The following SPMIP6 variants were observed in gnomAD, a reference collection of about 807,000 sequenced individuals.
The protein encoded by SPMIP6 is sperm microtubule inner protein 6, also known as ciliated bronchial epithelial protein 1.
At chr9:34,382,662 C>T in the SPMIP6 span, 2 of 815,214 alleles carry the variant, frequency 2.5e-6, no homozygotes, top group South Asian at 1.3e-5. Context: ...GCAATGAGGA[C>T]CTAATGGTGA....
the SPMIP6 span, chr9:34,381,044 G>C: frequency 1.1e-5 from 17 of 1,611,702 alleles, no homozygotes; most frequent in Non-Finnish European, 1.4e-5. This position sits in a 1 kb window ranked among gnomAD's most constrained non-coding sequence, Gnocchi z 4.4. Flanking sequence ...GCCGGGCAGC[G>C]GGTCCACGCA....
At chr9:34,389,552 G>GTAT in the SPMIP6 span, among the ~76,000 whole-genome samples, 1 of 152,012 alleles carries the variant, frequency 6.6e-6, no homozygotes, top group African/African-American at 2.4e-5. Context: ...GCCAATTTTT[G>GTAT]TATTTTTTGT....
chr9:34,391,252 CT>C, the SPMIP6 span, among the ~76,000 whole-genome samples: 1 of 152,042 alleles, frequency 6.6e-6, no homozygotes, highest in Non-Finnish European at 1.5e-5. Context: ...CTTTTAATTT[CT>C]TCTACATCTA....
At chr9:34,382,678 C>G in the SPMIP6 span, 2 of 892,314 alleles carry the variant, frequency 2.2e-6, no homozygotes, top group South Asian at 1.3e-5. Context: ...GGTGAAATAT[C>G]AGTCACTGTA....
chr9:34,385,535 C>CAA, the SPMIP6 span: 25,843 of 290,282 alleles, frequency 0.089, 652 homozygotes, highest in South Asian at 0.1. Context: ...AACTCCGTCT[C>CAA]AAAAAAAAAA....
At chr9:34,386,487 G>A in the SPMIP6 span, among the ~76,000 whole-genome samples, 37 of 151,962 alleles carry the variant, frequency 2.4e-4, no homozygotes, top group African/African-American at 8.0e-4. Flanking sequence ...CCAGCTACTC[G>A]GGAGGCTGAG....
chr9:34,385,093 T>G, the SPMIP6 span, among the ~76,000 whole-genome samples: 1 of 151,908 alleles, frequency 6.6e-6, no homozygotes, highest in Non-Finnish European at 1.5e-5. Context: ...CCCAGGGCCC[T>G]TCCAGGTTTT....
the SPMIP6 span, among the ~76,000 whole-genome samples, chr9:34,396,105 A>C: frequency 6.6e-5 from 10 of 152,286 alleles, no homozygotes; most frequent in African/African-American, 2.4e-4. Flanking sequence ...AAAGTACCTA[A>C]ATTTTCAATA....
the SPMIP6 span, chr9:34,380,964 A>G: frequency 6.2e-7 from 1 of 1,606,698 alleles, no homozygotes; most frequent in Non-Finnish European, 8.5e-7. Context: ...CCGCTGGCGT[A>G]GTAGTCCATC....
the SPMIP6 span, among the ~76,000 whole-genome samples, chr9:34,387,482 C>T: frequency 6.6e-6 from 1 of 152,018 alleles, no homozygotes; most frequent in African/African-American, 2.4e-5. Flanking sequence ...GTGCATGGGT[C>T]CCGTGACTCA....
the SPMIP6 span, among the ~76,000 whole-genome samples, chr9:34,390,209 T>C: frequency 6.6e-6 from 1 of 152,200 alleles, no homozygotes; most frequent in Non-Finnish European, 1.5e-5. Context: ...CATCCTTGCC[T>C]TGATTCCAAT....
At chr9:34,380,213 C>G in the SPMIP6 span, among the ~76,000 whole-genome samples, 4 of 152,202 alleles carry the variant, frequency 2.6e-5, no homozygotes, top group Non-Finnish European at 5.9e-5. Flanking sequence ...TCTGGGCTAC[C>G]GCGGACAAAG....
the SPMIP6 span, chr9:34,382,978 A>G: frequency 2.5e-6 from 2 of 806,862 alleles, no homozygotes; most frequent in East Asian, 4.9e-5. Flanking sequence ...GCTGACCCTC[A>G]CAGACTGTCC....
the SPMIP6 span, among the ~76,000 whole-genome samples, chr9:34,384,529 G>A: frequency 2.0e-5 from 3 of 152,110 alleles, no homozygotes; most frequent in African/African-American, 7.2e-5. Context: ...GGTCTAGGAG[G>A]GTAAAGGTCT....
chr9:34,397,573 C>T, the SPMIP6 span: 1 of 1,613,618 alleles, frequency 6.2e-7, no homozygotes, highest in Non-Finnish European at 8.5e-7. Flanking sequence ...GAGGTGGGAG[C>T]CCTGTAGGAG....
At chr9:34,388,931 TC>T in the SPMIP6 span, among the ~76,000 whole-genome samples, 2 of 100,004 alleles carry the variant, frequency 2.0e-5, no homozygotes, top group South Asian at 4.6e-4. Flanking sequence ...CCTCTCTCTT[TC>T]TTTTTTTTTT....
At chr9:34,396,108 T>C in the SPMIP6 span, among the ~76,000 whole-genome samples, 1 of 152,156 alleles carries the variant, frequency 6.6e-6, no homozygotes, top group Non-Finnish European at 1.5e-5. Flanking sequence ...GTACCTAAAT[T>C]TTCAATAAGA....
the SPMIP6 span, chr9:34,397,774 T>C: frequency 1.2e-6 from 1 of 821,140 alleles, no homozygotes; most frequent in Non-Finnish European, 1.9e-6. Context: ...CTGCAGAGGA[T>C]CTCTCAGCTT....
chr9:34,391,551 C>T, the SPMIP6 span, among the ~76,000 whole-genome samples: 1 of 152,090 alleles, frequency 6.6e-6, no homozygotes, highest in African/African-American at 2.4e-5. Context: ...TTTTATTGTA[C>T]CCCACAAGTT....
Sources: allele counts gnomAD v4.1 joint callset (sites outside exome capture counted in the v4.1 genomes callset), GRCh38; gene constraint gnomAD v4.1.1; non-coding constraint Gnocchi (gnomAD v3.1); transcripts MANE v1.5; gene names NCBI Gene and HGNC (gene_info 2026-07-23, HGNC 2026-07-21).